ACTG2: variants seen among roughly 807,000 people sequenced by gnomAD.
ACTG2 encodes actin, gamma-enteric smooth muscle.
A neutral mutation model predicts 37.6 loss-of-function variants in ACTG2; 16 were observed. The observed-to-expected ratio is 0.43, with a 90% CI of 0.29 to 0.65. The LOEUF is 0.65. Ranked by LOEUF, ACTG2 falls within the 30% of genes least tolerant of loss-of-function variation. The probability of loss-of-function intolerance (pLI) is 0.18; values close to 1 mark genes in which losing one functional copy is unlikely to be tolerated. For synonymous variants in ACTG2, 181 were observed against 179.9 expected (o/e 1.01, Z -0.05); for missense variants, 238 against 490.9 (o/e 0.48, Z 4.87).
At chr2:73,905,338 T>TA (rs1199694641) in intron 3 of ACTG2, among the ~76,000 whole-genome samples, 1 of 152,104 alleles carries the variant, frequency 6.6e-6, no homozygotes, top group Non-Finnish European at 1.5e-5. Flanking sequence ...TTTGACTTCT[T>TA]AAAAAATCGT....
At chr2:73,913,790 G>A in intron 6 of ACTG2, 144 bp downstream of exon 6, 1 of 680,554 alleles carries the variant, frequency 1.5e-6, no homozygotes, top group Non-Finnish European at 2.4e-6. Flanking sequence ...GCTGGGGCTA[G>A]GCCTCTGGAT....
At chr2:73,894,477 C>A (rs1342901704) in intron 1 of ACTG2, among the ~76,000 whole-genome samples, 2 of 152,226 alleles carry the variant, frequency 1.3e-5, no homozygotes, top group African/African-American at 4.8e-5. Flanking sequence ...GATATCTTTC[C>A]TCTTTCCCCT....
Position 73,908,741 on chromosome 2 carries a change from G to A in ACTG2, c.324G>A (p.Glu108=), listed in dbSNP as rs1304596509. The A allele has an allele frequency of 6.2e-7, 1 of 1,614,156 alleles. No individual in the cohort carries two copies. The highest frequency in any genetic ancestry group is 8.5e-7 in the Non-Finnish European group (1 of 1,180,002). The change falls in exon 4 of 9, where the codon GAG becomes GAA. Residue 108 remains glutamate, a synonymous_variant. Transcript: ENST00000345517. The stretch of plus-strand genomic sequence containing the variant: ...AAGAGCACCCCACCCTGCTCACAGA[G>A]GCTCCCCTAAATCCCAAGGCCAACA... ...APEEHPTLLT[E]APLNPKANRE... is the part of the protein sequence containing the mutation.
chr2:73,916,990 A>G (rs1680284645), intron 8 of ACTG2, among the ~76,000 whole-genome samples: 1 of 152,188 alleles, frequency 6.6e-6, no homozygotes, highest in Admixed American at 6.6e-5. Flanking sequence ...GGAATGTCAC[A>G]TGAGAAGAGG....
rs1340010149 is a variant in ACTG2 at position 73,910,926 on chromosome 2, A to AT, written c.451+1793dup. The stretch of plus-strand genomic sequence containing the variant: ...TTTTCTATTAAATTTATTTTATTTT[A>AT]TTTTTTACTTTTAGAGCTTTTTTGA... On this transcript the variant is annotated intron_variant, in intron 5 of 8. Transcript: ENST00000345517. Among the ~76,000 whole-genome samples the AT allele has an allele frequency of 6.1e-5, 9 of 148,312 alleles. No individual in the cohort carries two copies. The Admixed American group carries it at 6.3e-4, about 10-fold the overall frequency.
intron 1 of ACTG2, among the ~76,000 whole-genome samples, chr2:73,895,197 G>T (rs1347332226): frequency 6.6e-6 from 1 of 152,076 alleles, no homozygotes; most frequent in East Asian, 1.9e-4. Flanking sequence ...TGCCAGGGGG[G>T]TTTTGGTGGG....
intron 3 of ACTG2, among the ~76,000 whole-genome samples, chr2:73,904,507 A>G (rs1016454305): frequency 1.1e-4 from 16 of 151,232 alleles, no homozygotes; most frequent in African/African-American, 3.9e-4. Context: ...ACTAAACAAT[A>G]ATTAGCTGGA....
At position 73,899,911 on chromosome 2, in the gene ACTG2, C is replaced by T. The variant is rs1342668832; in HGVS notation, c.-36-1365C>T. ...CCCCTAGTATGAGCCTTGCTTTGAA[C>T]ATATCTGGGAAGGGCTTCCTTTTAG... On this transcript the variant is annotated intron_variant, in intron 1 of 8. Coordinates refer to ENST00000345517, the MANE Select transcript of ACTG2 (RefSeq NM_001615.4). Among the ~76,000 whole-genome samples, 7 of 152,174 alleles carry T rather than the reference C, an allele frequency of 4.6e-5. No homozygotes were observed. In the East Asian group the frequency reaches 7.7e-4, roughly 17 times the overall value.
chr2:73,911,394 G>A (rs1201748927), intron 5 of ACTG2, among the ~76,000 whole-genome samples: 1 of 152,098 alleles, frequency 6.6e-6, no homozygotes, highest in African/African-American at 2.4e-5. Context: ...CTACTCGGTA[G>A]GCTGAAGCTG....
intron 2 of ACTG2, 137 bp downstream of exon 2, chr2:73,901,574 G>GTGTC: frequency 7.8e-6 from 1 of 127,574 alleles, no homozygotes; most frequent in Non-Finnish European, 1.1e-5. Context: ...GTGTGTGTGT[G>GTGTC]TGTGTGTCTG....
rs1680270122 is a variant in ACTG2 at position 73,916,471 on chromosome 2, T to G, written c.806-113T>G. On this transcript the variant is annotated intron_variant, in intron 7 of 8. Transcript: ENST00000345517. ...ATCTTATAATCCTTCTGGGAGATAT[T>G]AAGGTTCTGAACTAGGGTAGTTGCA... The G allele has an allele frequency of 1.0e-5, 9 of 886,342 alleles. No homozygotes were observed. In the East Asian group the frequency reaches 2.4e-4, roughly 24 times the overall value. The allele number at this position is 886,342 out of a possible 1,614,324, so 54.9% of individuals were successfully genotyped here.
chr2:73,913,735 ACT>A, intron 6 of ACTG2, 89 bp downstream of exon 6: 2 of 1,201,106 alleles, frequency 1.7e-6, no homozygotes, highest in South Asian at 2.9e-5. Flanking sequence ...GAATTCTGTG[ACT>A]CTGTGTCTTT....
intron 3 of ACTG2, among the ~76,000 whole-genome samples, chr2:73,904,266 A>G (rs943067462): frequency 6.6e-6 from 1 of 150,742 alleles, no homozygotes; most frequent in East Asian, 2.0e-4. Flanking sequence ...AAAAAAAAAA[A>G]AAAAAAGAAA....
intron 1 of ACTG2, among the ~76,000 whole-genome samples, chr2:73,899,546 G>C (rs527362691): frequency 6.6e-6 from 1 of 152,142 alleles, no homozygotes; most frequent in African/African-American, 2.4e-5. Flanking sequence ...CTTTCACCCA[G>C]TGTATTTAAT....
chr2:73,902,544 C>A (rs1238962334), intron 3 of ACTG2, 56 bp downstream of exon 3: 24 of 1,604,260 alleles, frequency 1.5e-5, no homozygotes, highest in Non-Finnish European at 2.0e-5. Flanking sequence ...ATCATCATGA[C>A]CCTCGTATTC....
chr2:73,914,841 C>T lies in ACTG2; in HGVS notation c.775C>T (p.Pro259Ser), dbSNP rs1483365486. ...ITIGNERFRC[P>S]ETLFQPSFIG... ...CATTGGCAATGAGCGCTTCCGCTGCCCTGAGACCCTCTTCCAGCCTTCCTT... is the reference window on the plus strand; with the variant it reads ...CATTGGCAATGAGCGCTTCCGCTGCTCTGAGACCCTCTTCCAGCCTTCCTT... Residue 259 changes from proline (P) to serine (S), a missense_variant, in exon 7 of 9, where the codon CCT becomes TCT. Physicochemically the swap from Pro to Ser is moderately conservative, Grantham distance 74 (BLOSUM62 -1). Coordinates refer to ENST00000345517, the MANE Select transcript of ACTG2 (RefSeq NM_001615.4). 8 of 1,597,206 alleles carry T rather than the reference C, an allele frequency of 5.0e-6. No homozygotes were observed. In the Admixed American group the frequency reaches 1.4e-4, roughly 27 times the overall value.
intron 3 of ACTG2, among the ~76,000 whole-genome samples, chr2:73,904,614 C>T (rs947875580): frequency 5.8e-4 from 88 of 151,480 alleles, no homozygotes; most frequent in African/African-American, 1.9e-3. Context: ...GCCAAGATCG[C>T]ATCACTGCAC....
chr2:73,915,684 C>A (rs1218358011), intron 7 of ACTG2, among the ~76,000 whole-genome samples: 1 of 152,122 alleles, frequency 6.6e-6, no homozygotes, highest in Non-Finnish European at 1.5e-5. Context: ...ACGAGTATAT[C>A]CATACAATGG....
intron 7 of ACTG2, among the ~76,000 whole-genome samples, chr2:73,915,795 T>C (rs1365079367): frequency 1.3e-5 from 2 of 152,084 alleles, no homozygotes. Flanking sequence ...GACCATATGG[T>C]GTATGATTCC....
Sources: gnomAD v4.1 joint callset for allele counts (sites outside exome capture counted in the v4.1 genomes callset) on GRCh38, gnomAD v4.1.1 for gene constraint, MANE v1.5 for transcripts, NCBI Gene and HGNC (gene_info 2026-07-23, HGNC 2026-07-21) for gene names.